Variants in SMOC1 observed in about 807,000 individuals in gnomAD.
The protein encoded by SMOC1 is SPARC related modular calcium binding 1.
Under a neutral mutation model 56.3 loss-of-function variants are expected in SMOC1, and 22 were observed. That is an observed-to-expected ratio of 0.39 (90% CI 0.28 to 0.56). The LOEUF (loss-of-function observed/expected upper bound fraction) is 0.56. Ranked by LOEUF, SMOC1 falls within the 20% of genes least tolerant of loss-of-function variation. The probability of loss-of-function intolerance (pLI) is 0.61; values close to 1 mark genes in which losing one functional copy is unlikely to be tolerated. For missense variants in SMOC1, 509 were observed against 565.4 expected (o/e 0.90, Z 1.01); for synonymous variants, 193 against 215.0 (o/e 0.90, Z 0.89).
At chr14:69,897,745 C>G (rs1294781093) in intron 1 of SMOC1, among the ~76,000 whole-genome samples, 1 of 152,042 alleles carries the variant, frequency 6.6e-6, no homozygotes, top group African/African-American at 2.4e-5. Flanking sequence ...ATTTATTTAA[C>G]TTATATGTAA....
At chr14:69,906,379 G>A (rs932188763) in intron 1 of SMOC1, among the ~76,000 whole-genome samples, 2 of 152,218 alleles carry the variant, frequency 1.3e-5, no homozygotes, top group African/African-American at 4.8e-5. Context: ...GTTACAGGGA[G>A]AAGCCACGTG....
Position 70,030,369 on chromosome 14 carries a change from G to T in SMOC1, c.*111G>T, listed in dbSNP as rs1886099972. On this transcript the variant is annotated 3_prime_UTR_variant, in exon 12 of 12. Coordinates refer to ENST00000361956, the MANE Select transcript of SMOC1 (RefSeq NM_001034852.3). ...CTGCCACATCCCGTGTAACATAAGT[G>T]GTGCCCACCATGTTTGCACTTTTAA... 1.4e-6 allele frequency: 2 copies of T among 1,380,026 alleles called. No homozygotes were observed. Among genetic ancestry groups the T allele is most frequent in the Admixed American group, 4.2e-5 (2 of 47,618 alleles). The allele number at this position is 1,380,026 out of a possible 1,614,324, so 85.5% of individuals were successfully genotyped here. A position where few individuals can be genotyped will look rare whatever the true frequency, so the allele number is the denominator to read the frequency against.
At chr14:69,948,409 T>A (rs2139430632) in intron 1 of SMOC1, among the ~76,000 whole-genome samples, 1 of 152,332 alleles carries the variant, frequency 6.6e-6, no homozygotes, top group Middle Eastern at 3.4e-3. Flanking sequence ...CTGAGAATGA[T>A]CTCTGTGTGT....
chr14:69,930,810 G>A (rs949671917), intron 1 of SMOC1, among the ~76,000 whole-genome samples: 1 of 152,230 alleles, frequency 6.6e-6, no homozygotes, highest in Non-Finnish European at 1.5e-5. Flanking sequence ...AATGCAGGGG[G>A]TGACCTGATT....
chr14:69,937,676 C>T (rs186417447), intron 1 of SMOC1, among the ~76,000 whole-genome samples: 223 of 152,280 alleles, frequency 1.5e-3, no homozygotes, highest in Non-Finnish European at 1.9e-3. Flanking sequence ...CCAGCGCCAC[C>T]GCCAGTCCCA....
chr14:69,884,127 C>T lies in SMOC1; in HGVS notation c.99+4350C>T, dbSNP rs551283415. Among the ~76,000 whole-genome samples the T allele has an allele frequency of 3.3e-5, 5 of 151,262 alleles. No homozygotes were observed. The South Asian group carries it at 8.4e-4, about 25-fold the overall frequency. On this transcript the variant is annotated intron_variant, in intron 1 of 11. Coordinates refer to ENST00000361956, the MANE Select transcript of SMOC1 (RefSeq NM_001034852.3). ...TTCACCTTGTTAGCCAGGATGGTCT[C>T]GATCTCCCGACCTCATGATCCACCC...
intron 11 of SMOC1, among the ~76,000 whole-genome samples, chr14:70,025,713 C>T (rs1408256103): frequency 6.6e-6 from 1 of 152,198 alleles, no homozygotes. Context: ...CCGATATGCT[C>T]CAGTGAGCAT....
At chr14:69,988,289 C>CTTTTTTTTTTTTTTTTTTTT (rs11367943) in intron 5 of SMOC1, among the ~76,000 whole-genome samples, 1 of 146,466 alleles carries the variant, frequency 6.8e-6, no homozygotes, top group African/African-American at 2.5e-5. Flanking sequence ...TTTGAATTGG[C>CTTTTTTTTTTTTTTTTTTTT]TTTTTTTTTT....
intron 1 of SMOC1, chr14:69,885,749 T>C: frequency 1.3e-6 from 2 of 1,492,432 alleles, no homozygotes. Flanking sequence ...AGGTGGTCTC[T>C]TCTTCGGGAC....
At chr14:69,883,346 AT>A (rs956858463) in intron 1 of SMOC1, among the ~76,000 whole-genome samples, 3 of 151,946 alleles carry the variant, frequency 2.0e-5, no homozygotes, top group Middle Eastern at 3.2e-3. Context: ...TATGAGACCA[AT>A]TTTTTTAGAT....
intron 1 of SMOC1, chr14:69,886,282 T>C: frequency 1.6e-6 from 1 of 609,888 alleles, no homozygotes; most frequent in South Asian, 2.0e-5. Flanking sequence ...GTTGGCCCTT[T>C]AGCATTTCAT....
At chr14:70,019,335 C>T (rs911533176) in intron 10 of SMOC1, among the ~76,000 whole-genome samples, 1 of 152,210 alleles carries the variant, frequency 6.6e-6, no homozygotes, top group African/African-American at 2.4e-5. Flanking sequence ...AATCTGGTAT[C>T]ATTTGGGTGT....
intron 1 of SMOC1, among the ~76,000 whole-genome samples, chr14:69,926,652 A>G (rs1180004651): frequency 6.6e-6 from 1 of 152,116 alleles, no homozygotes; most frequent in Non-Finnish European, 1.5e-5. Context: ...ATCCTGTCAA[A>G]TTGCTGCGAA....
intron 3 of SMOC1, among the ~76,000 whole-genome samples, chr14:69,956,921 C>T (rs1371170361): frequency 1.3e-5 from 2 of 152,110 alleles, no homozygotes; most frequent in South Asian, 2.1e-4. Context: ...TTTTTTCGAG[C>T]TCCCCAGGCG....
intron 1 of SMOC1, among the ~76,000 whole-genome samples, chr14:69,900,331 G>T (rs924243211): frequency 3.3e-5 from 5 of 152,160 alleles, no homozygotes; most frequent in Non-Finnish European, 7.3e-5. Context: ...CAGCGCTAGT[G>T]TTTTCTGCTA....
In SMOC1 at chr14:69,997,991, C is replaced by T. The variant is rs376407001; in HGVS notation, c.664+3511C>T. Among the ~76,000 whole-genome samples the T allele has an allele frequency of 2.2e-3, 334 of 152,254 alleles. 10 individuals are homozygous for T. In the South Asian group the frequency reaches 0.067, roughly 31 times the overall value. On this transcript the variant is annotated intron_variant, in intron 7 of 11. Coordinates refer to ENST00000361956, the MANE Select transcript of SMOC1 (RefSeq NM_001034852.3). The stretch of plus-strand genomic sequence containing the variant: ...ACACCCCACACATCCTTTTTTCACA[C>T]TCAGACCCTGTGACGCCAGGTTTGT...
chr14:69,953,361 C>T, intron 2 of SMOC1, 59 bp from the exon 3 acceptor site: 1 of 1,522,322 alleles, frequency 6.6e-7, no homozygotes, highest in Non-Finnish European at 9.1e-7. Flanking sequence ...GCCATTTTGT[C>T]CCTCGGCCCC....
At chr14:69,988,977 G>T (rs769289589) in intron 5 of SMOC1, among the ~76,000 whole-genome samples, 3 of 152,196 alleles carry the variant, frequency 2.0e-5, no homozygotes, top group Non-Finnish European at 4.4e-5. Context: ...TCAGTTTGAA[G>T]CTTTAATGAA....
chr14:69,990,527 G>A (rs1258693251), intron 5 of SMOC1, among the ~76,000 whole-genome samples: 1 of 152,172 alleles, frequency 6.6e-6, no homozygotes, highest in Non-Finnish European at 1.5e-5. Flanking sequence ...GTATCTGGCA[G>A]GCACAACCAA....
Sources: gnomAD v4.1 joint callset for allele counts (sites outside exome capture counted in the v4.1 genomes callset) on GRCh38, gnomAD v4.1.1 for gene constraint, MANE v1.5 for transcripts, NCBI Gene and HGNC (gene_info 2026-07-23, HGNC 2026-07-21) for gene names.